Variants in CCDC136 observed in about 807,000 individuals in gnomAD.
The protein encoded by CCDC136 is coiled-coil domain containing 136, also known as coiled-coil domain-containing protein 136.
A neutral mutation model predicts 141.2 loss-of-function variants in CCDC136; 100 were observed. The observed-to-expected ratio is 0.71, with a 90% CI of 0.60 to 0.84. The LOEUF is 0.84. CCDC136 is among the 40% of genes least tolerant of loss of function. CCDC136 has a pLI of 0.00. For synonymous variants in CCDC136, 474 were observed against 531.9 expected (o/e 0.89, Z 1.50); for missense variants, 1,206 against 1,379.4 (o/e 0.87, Z 1.99).
At chr7:128,808,451 AT>A (rs897258673) in intron 10 of CCDC136, 3 of 980,700 alleles carry the variant, frequency 3.1e-6, no homozygotes, top group Non-Finnish European at 2.4e-6. Context: ...GGCCTTATTC[AT>A]TTTTTTTCTT....
intron 10 of CCDC136, 200 bp from the exon 11 acceptor site, chr7:128,809,250 C>T (rs1805331519): frequency 1.9e-6 from 1 of 539,990 alleles, no homozygotes; most frequent in East Asian, 3.4e-5. Flanking sequence ...GAGCAACCTG[C>T]TCTGAAGGAG....
chr7:128,792,070 A>C lies in CCDC136; in HGVS notation c.-342A>C. The C allele has an allele frequency of 2.3e-6, 3 of 1,310,198 alleles. No individual in the cohort carries two copies. The highest frequency in any genetic ancestry group is 3.7e-5 in the Admixed American group (1 of 27,182). 81.2% of individuals were successfully genotyped at this position (1,310,198 alleles called of 1,614,324 possible). On this transcript the variant is annotated 5_prime_UTR_variant, in exon 1 of 18. Transcript: ENST00000297788. ...CCCTGTCCCCCCGGACTAAATACGC[A>C]CACCCCCTCTTTCTTTCTGTGCAAG...
chr7:128,816,570 G>A (rs1806666554), intron 16 of CCDC136, among the ~76,000 whole-genome samples: 1 of 152,178 alleles, frequency 6.6e-6, no homozygotes, highest in Admixed American at 6.5e-5. Flanking sequence ...CCCTTCAGTT[G>A]CTAGATCATT....
chr7:128,820,046 A>AT lies in CCDC136; in HGVS notation c.*6-1753_*6-1752insT, dbSNP rs1807223703. Among the ~76,000 whole-genome samples the AT allele has an allele frequency of 2.0e-5, 3 of 152,144 alleles. 1 individual carries two copies. Among genetic ancestry groups the AT allele is most frequent in the African/African-American group, 7.2e-5 (3 of 41,424 alleles). ...TTATAGTTCATTGTTCTTACCTTAT[A>AT]AGGTTTTGTGTGTATGTGTTTTTAA... On this transcript the variant is annotated intron_variant, in intron 17 of 17. Coordinates refer to ENST00000297788, the MANE Select transcript of CCDC136 (RefSeq NM_022742.5).
intron 4 of CCDC136, among the ~76,000 whole-genome samples, chr7:128,802,685 A>G (rs1271509394): frequency 6.6e-6 from 1 of 152,242 alleles, no homozygotes; most frequent in African/African-American, 2.4e-5. Context: ...GTAATGTATC[A>G]ATATTTGATT....
intron 17 of CCDC136, among the ~76,000 whole-genome samples, chr7:128,820,465 G>A (rs1196812510): frequency 1.3e-5 from 2 of 152,182 alleles, no homozygotes; most frequent in Non-Finnish European, 2.9e-5. Flanking sequence ...CCCAGTGTGA[G>A]GTGCACGGGT....
rs1804575362 is a variant in CCDC136 at position 128,804,775 on chromosome 7, TG to T, written c.782+16del. 5.3e-6 allele frequency: 8 copies of T among 1,522,218 alleles called. No individual in the cohort carries two copies. Among genetic ancestry groups the T allele is most frequent in the Non-Finnish European group, 7.2e-6 (8 of 1,110,664 alleles). The allele number at this position is 1,522,218 out of a possible 1,614,324, so 94.3% of individuals were successfully genotyped here. A position where few individuals can be genotyped will look rare whatever the true frequency, so the allele number is the denominator to read the frequency against. On this transcript the variant is annotated intron_variant, in intron 5 of 17. Transcript: ENST00000297788. ...GGAGAGTGAGAGGTACAGCTGTCTC[TG>T]GAGAGTGAGAGGTCATGGGGTTCCA... is the stretch of plus-strand genomic sequence containing the variant.
rs1200764186 is a variant in CCDC136, at chr7:128,806,339, G to A, written c.1192G>A (p.Glu398Lys). The A allele has an allele frequency of 6.2e-6, 10 of 1,601,908 alleles. No homozygotes were observed. The highest frequency in any genetic ancestry group is 1.7e-5 in the Admixed American group (1 of 58,282). ...LLKMQLQLQT[E>K]LRQLKVMKST... ...GAAGATGCAGCTGCAACTTCAGACTGAGCTCCGGCAGCTCAAAGTCATGAA... is the reference window on the plus strand; with the variant it reads ...GAAGATGCAGCTGCAACTTCAGACTAAGCTCCGGCAGCTCAAAGTCATGAA... The change falls in exon 8 of 18, where the codon GAG becomes AAG. Residue 398 changes from glutamate (E) to lysine (K), a missense_variant. Coordinates refer to ENST00000297788, the MANE Select transcript of CCDC136 (RefSeq NM_022742.5).
Position 128,794,353 on chromosome 7 carries a change from G to T in CCDC136, c.22G>T (p.Val8Leu), listed in dbSNP as rs979716082. The T allele has an allele frequency of 1.3e-6, 2 of 1,552,784 alleles. No individual in the cohort carries two copies. The highest frequency in any genetic ancestry group is 1.7e-6 in the Non-Finnish European group (2 of 1,147,382). MQAMEGE[V>L]LLPALYEEEE... is the part of the protein sequence containing the mutation. ...GGGATGGCTGTGTCTCCTAGGGGAG[G>T]TGTTACTCCCAGCTCTCTATGAGGA... is the stretch of plus-strand genomic sequence containing the variant. Residue 8 changes from valine (V) to leucine (L), a missense_variant, in exon 2 of 18, where the codon GTG (valine) becomes TTG (leucine). Coordinates refer to ENST00000297788, the MANE Select transcript of CCDC136 (RefSeq NM_022742.5). The surrounding 1 kb of genome is among the most constrained non-coding windows in gnomAD (Gnocchi z 4.3).
intron 4 of CCDC136, 25 bp from the exon 5 acceptor site, chr7:128,804,625 A>G: frequency 7.0e-7 from 1 of 1,431,996 alleles, no homozygotes; most frequent in Non-Finnish European, 9.6e-7. Context: ...TCCCGGTCTC[A>G]TCTCTCTCTG....
Position 128,821,744 on chromosome 7 carries a change from C to A in CCDC136, c.*6-55C>A. 7.8e-7 allele frequency: 1 copy of A among 1,282,124 alleles called. No individual in the cohort carries two copies. The allele number at this position is 1,282,124 out of a possible 1,614,324, so 79.4% of individuals were successfully genotyped here. A position where few individuals can be genotyped will look rare whatever the true frequency, so the allele number is the denominator to read the frequency against. On this transcript the variant is annotated intron_variant, in intron 17 of 17. Coordinates refer to ENST00000297788, the MANE Select transcript of CCDC136 (RefSeq NM_022742.5). This position sits in a 1 kb window ranked among gnomAD's most constrained non-coding sequence, Gnocchi z 5.1. Reference sequence around the variant, plus strand: ...GCACCCATAGGCAGGTGACTTCTGGCTTAGGGCAGGGTTCAGGAGGCTGGG... The same window carrying A: ...GCACCCATAGGCAGGTGACTTCTGGATTAGGGCAGGGTTCAGGAGGCTGGG...
At position 128,794,162 on chromosome 7, in the gene CCDC136, T is replaced by C; in HGVS notation, c.17-186T>C. ...AGGGCCTGGGAGGTGGAGGGGCTGC[T>C]TCTCAACTTGACTCTCACACCTGAG... is the stretch of plus-strand genomic sequence containing the variant. On this transcript the variant is annotated intron_variant, in intron 1 of 17. Transcript: ENST00000297788. This position sits in a 1 kb window ranked among gnomAD's most constrained non-coding sequence, Gnocchi z 4.3. 1 of 755,000 alleles carries C rather than the reference T, an allele frequency of 1.3e-6. No individual in the cohort carries two copies. Among genetic ancestry groups the C allele is most frequent in the South Asian group, 1.5e-5 (1 of 67,034 alleles). 46.8% of individuals were successfully genotyped at this position (755,000 alleles called of 1,614,324 possible).
upstream of CCDC136, chr7:128,791,098 C>A: frequency 5.6e-6 from 1 of 179,508 alleles, no homozygotes; most frequent in Non-Finnish European, 1.2e-5. This position sits in a 1 kb window ranked among gnomAD's most constrained non-coding sequence, Gnocchi z 7.1. Context: ...CGGGCCCTGA[C>A]ACCTGGTGCA....
At chr7:128,802,831 T>G (rs1272254232) in intron 4 of CCDC136, among the ~76,000 whole-genome samples, 2 of 152,200 alleles carry the variant, frequency 1.3e-5, no homozygotes, top group African/African-American at 4.8e-5. Context: ...AATTCAAAGT[T>G]TATTTAAAGA....
chr7:128,807,663 C>G, intron 10 of CCDC136, 118 bp downstream of exon 10: 1 of 586,616 alleles, frequency 1.7e-6, no homozygotes, highest in Non-Finnish European at 2.7e-6. Context: ...AGGCAGGAAG[C>G]AGAGGCAGGG....
intron 3 of CCDC136, among the ~76,000 whole-genome samples, chr7:128,799,172 T>TAAAAA (rs35342890): frequency 7.8e-5 from 4 of 51,320 alleles, no homozygotes; most frequent in Admixed American, 4.6e-4. Context: ...ATCTCTACAT[T>TAAAAA]AAAAAAAAAA....
intron 3 of CCDC136, among the ~76,000 whole-genome samples, chr7:128,795,890 A>G: frequency 6.6e-6 from 1 of 152,348 alleles, no homozygotes; most frequent in Non-Finnish European, 1.5e-5. Flanking sequence ...GGAGAGAGGC[A>G]GAAAATAAAC....
chr7:128,813,355 C>T (rs1043121914), intron 14 of CCDC136, among the ~76,000 whole-genome samples: 3 of 152,182 alleles, frequency 2.0e-5, no homozygotes, highest in Non-Finnish European at 4.4e-5. Flanking sequence ...AAGAAGAGTG[C>T]TCTGCACCCC....
At chr7:128,812,586 T>TC (rs1315185466) in intron 13 of CCDC136, 122 bp from the exon 14 acceptor site, 1 of 778,284 alleles carries the variant, frequency 1.3e-6, no homozygotes, top group Non-Finnish European at 2.1e-6. Flanking sequence ...AATATAGTAA[T>TC]CCCCCGCGGG....
Sources: gnomAD v4.1 joint callset for allele counts (sites outside exome capture counted in the v4.1 genomes callset) on GRCh38, gnomAD v4.1.1 for gene constraint, Gnocchi (gnomAD v3.1) non-coding constraint, MANE v1.5 for transcripts, NCBI Gene and HGNC (gene_info 2026-07-23, HGNC 2026-07-21) for gene names.